ROBO1: variants seen among roughly 807,000 people sequenced by gnomAD.
ROBO1 encodes roundabout guidance receptor 1, also known as roundabout homolog 1.
In ROBO1, 149 loss-of-function variants were observed where a neutral mutation model predicts 195.9. That is an observed-to-expected ratio of 0.76 (90% CI 0.67 to 0.87). ROBO1 has a LOEUF of 0.87. Ranked by LOEUF, ROBO1 falls within the 40% of genes least tolerant of loss-of-function variation. The pLI is 0.00. For synonymous variants in ROBO1, 816 were observed against 733.2 expected (o/e 1.11, Z -1.82); for missense variants, 1,933 against 2,068.3 (o/e 0.93, Z 1.27).
chr3:79,084,023 T>C (rs995262861), intron 3 of ROBO1, among the ~76,000 whole-genome samples: 18 of 152,218 alleles, frequency 1.2e-4, no homozygotes, highest in African/African-American at 4.3e-4. Flanking sequence ...TTTATTGTAC[T>C]GCCTGACTCT....
intron 2 of ROBO1, among the ~76,000 whole-genome samples, chr3:79,575,313 A>G (rs1350696843): frequency 7.9e-6 from 1 of 125,828 alleles, no homozygotes; most frequent in Non-Finnish European, 1.6e-5. Context: ...ATATAAATAT[A>G]TATATAACAT....
At chr3:79,045,127 A>G (rs2078566418) in intron 3 of ROBO1, among the ~76,000 whole-genome samples, 1 of 152,182 alleles carries the variant, frequency 6.6e-6, no homozygotes. Flanking sequence ...ATGATGCCAA[A>G]ATAAAAAATA....
At chr3:78,821,117 A>G (rs2030868036) in intron 4 of ROBO1, among the ~76,000 whole-genome samples, 1 of 149,782 alleles carries the variant, frequency 6.7e-6, no homozygotes, top group Admixed American at 6.7e-5. Context: ...TTCAAATTCT[A>G]TTACTGTAGA....
chr3:79,020,776 T>G (rs1055112391), intron 3 of ROBO1, among the ~76,000 whole-genome samples: 1 of 152,058 alleles, frequency 6.6e-6, no homozygotes, highest in Non-Finnish European at 1.5e-5. Flanking sequence ...AGAATTAATA[T>G]CTACAGAGTT....
intron 2 of ROBO1, among the ~76,000 whole-genome samples, chr3:79,355,570 CTCCTCTCCCCG>C (rs2109283761): frequency 6.6e-6 from 1 of 152,234 alleles, no homozygotes; most frequent in South Asian, 2.1e-4. Flanking sequence ...TCCCTCCTAC[CTCCTCTCCCCG>C]TCCTCTGGTA....
intron 1 of ROBO1, among the ~76,000 whole-genome samples, chr3:79,737,707 G>C (rs1390213022): frequency 6.6e-6 from 1 of 151,844 alleles, no homozygotes; most frequent in African/African-American, 2.4e-5. Flanking sequence ...GAACAGGTCT[G>C]TCAGAAAGTA....
At chr3:78,985,312 T>C (rs1039475242) in intron 3 of ROBO1, among the ~76,000 whole-genome samples, 12 of 151,912 alleles carry the variant, frequency 7.9e-5, no homozygotes, top group Admixed American at 6.6e-5. Context: ...AAAATAATAA[T>C]AATATTTTCT....
rs1014165899 is a variant in ROBO1, at chr3:79,516,131, A to T, written c.88+73693T>A. 5.2e-4 allele frequency among the ~76,000 whole-genome samples: 79 copies of T among 152,266 alleles called. 1 individual carries two copies. Among genetic ancestry groups the T allele is most frequent in the African/African-American group, 1.8e-3 (76 of 41,554 alleles). Reference sequence around the variant, plus strand: ...AAAAAAAAAGGTTTCCATACCTTAAATTTTTCACTGCAACCGCTTTTGAAA... The same window carrying T: ...AAAAAAAAAGGTTTCCATACCTTAATTTTTTCACTGCAACCGCTTTTGAAA... On this transcript the variant is annotated intron_variant, in intron 2 of 30. Coordinates refer to ENST00000464233, the MANE Select transcript of ROBO1 (RefSeq NM_002941.4).
intron 4 of ROBO1, among the ~76,000 whole-genome samples, chr3:78,850,524 T>C (rs142925794): frequency 1.2e-4 from 18 of 152,268 alleles, no homozygotes; most frequent in Admixed American, 3.3e-4. Flanking sequence ...CAGTAATAAA[T>C]GTCATAGGTA....
intron 2 of ROBO1, among the ~76,000 whole-genome samples, chr3:79,481,649 T>G (rs1938865327): frequency 6.6e-6 from 1 of 152,172 alleles, no homozygotes; most frequent in Non-Finnish European, 1.5e-5. Context: ...GTATTTAAAA[T>G]TTTCGAACCA....
intron 1 of ROBO1, among the ~76,000 whole-genome samples, chr3:79,593,788 A>AT (rs1448692970): frequency 4.6e-5 from 7 of 151,140 alleles, no homozygotes; most frequent in African/African-American, 7.3e-5. Flanking sequence ...TTTTTTAAAT[A>AT]TTTTTTTTGG....
chr3:79,447,466 A>G (rs182835332), intron 2 of ROBO1, among the ~76,000 whole-genome samples: 11 of 152,346 alleles, frequency 7.2e-5, no homozygotes, highest in African/African-American at 2.6e-4. Flanking sequence ...AACAAGTGGT[A>G]TCGAAAAAAG....
chr3:78,845,864 A>T (rs1419935333), intron 4 of ROBO1, among the ~76,000 whole-genome samples: 1 of 152,264 alleles, frequency 6.6e-6, no homozygotes, highest in African/African-American at 2.4e-5. Context: ...CCATGCAGTA[A>T]ATCATTTTTA....
intron 2 of ROBO1, among the ~76,000 whole-genome samples, chr3:79,201,806 A>G (rs2081770154): frequency 6.6e-6 from 1 of 151,668 alleles, no homozygotes; most frequent in Non-Finnish European, 1.5e-5. Flanking sequence ...CCTAATAAAT[A>G]TTCACATACT....
intron 4 of ROBO1, among the ~76,000 whole-genome samples, chr3:78,855,848 A>G (rs1207524266): frequency 6.6e-6 from 1 of 152,002 alleles, no homozygotes; most frequent in East Asian, 1.9e-4. Context: ...CACCTCACTC[A>G]GTCAACATAA....
intron 4 of ROBO1, among the ~76,000 whole-genome samples, chr3:78,849,351 T>G (rs1237206972): frequency 6.6e-6 from 1 of 152,152 alleles, no homozygotes; most frequent in Non-Finnish European, 1.5e-5. Context: ...CTCGGTATTT[T>G]GGACCCCAAT....
chr3:79,691,061 A>G (rs1947284194), intron 1 of ROBO1, among the ~76,000 whole-genome samples: 1 of 151,960 alleles, frequency 6.6e-6, no homozygotes, highest in Admixed American at 6.6e-5. Context: ...TAACAGAAAT[A>G]ATTTGCCAGT....
At chr3:78,987,579 G>T (rs2077139325) in intron 3 of ROBO1, among the ~76,000 whole-genome samples, 1 of 151,982 alleles carries the variant, frequency 6.6e-6, no homozygotes, top group Non-Finnish European at 1.5e-5. Flanking sequence ...ATTATCTCTG[G>T]TCTTTGCCTT....
rs766978923 is a variant in ROBO1 at position 78,631,239 on chromosome 3, G to T, written c.3548C>A (p.Ala1183Glu). Reference protein sequence around the residue: ...KVPKQGGMNWADLLPPPPAHP... With the variant: ...KVPKQGGMNWEDLLPPPPAHP... ...TGCTGGGGGAGGAGGAAGCAGGTCT[G>T]CCCAGTTCATGCCACCCTGTTTTGG... Residue 1183 changes from alanine to glutamate, a missense_variant, in exon 25 of 31, where the codon GCA (alanine) becomes GAA (glutamate). Coordinates refer to ENST00000464233, the MANE Select transcript of ROBO1 (RefSeq NM_002941.4). The T allele has an allele frequency of 5.0e-6, 8 of 1,613,438 alleles. No individual in the cohort carries two copies. The East Asian group carries it at 1.8e-4, about 36-fold the overall frequency.
Sources: allele counts gnomAD v4.1 joint callset (sites outside exome capture counted in the v4.1 genomes callset), GRCh38; gene constraint gnomAD v4.1.1; transcripts MANE v1.5; gene names NCBI Gene and HGNC (gene_info 2026-07-23, HGNC 2026-07-21).